The following TTPA variants were observed in gnomAD, a reference collection of about 807,000 sequenced individuals.
The protein encoded by TTPA is alpha tocopherol transfer protein, also known as alpha-tocopherol transfer protein.
A neutral mutation model predicts 25.9 loss-of-function variants in TTPA; 23 were observed. The observed-to-expected ratio is 0.89, with a 90% CI of 0.64 to 1.26. TTPA has a LOEUF of 1.26. TTPA is among the 50% of genes most tolerant of loss of function. The probability of loss-of-function intolerance (pLI) is 0.00; values close to 1 mark genes in which losing one functional copy is unlikely to be tolerated. For missense variants in TTPA, 337 were observed against 353.1 expected (o/e 0.95, Z 0.37); for synonymous variants, 148 against 137.3 (o/e 1.08, Z -0.54).
chr8:63,080,447 C>A (rs1313879923), intron 1 of TTPA, among the ~76,000 whole-genome samples: 3 of 152,030 alleles, frequency 2.0e-5, no homozygotes, highest in Admixed American at 1.3e-4. Context: ...GAAGGCCGGG[C>A]ATGGTGGCTC....
chr8:63,073,017 A>G lies in TTPA; in HGVS notation c.276T>C (p.Ile92=), dbSNP rs2129762812. 1 of 1,613,818 alleles carries G rather than the reference A, an allele frequency of 6.2e-7. No homozygotes were observed. The highest frequency in any genetic ancestry group is 1.7e-4 in the Middle Eastern group (1 of 6,056). Reference sequence around the variant, plus strand: ...GGTAGCCAGCCTTTAGGAGGCCAATAATACTTCTAGGGTGTAGATCTGCAC... The same window carrying G: ...GGTAGCCAGCCTTTAGGAGGCCAATGATACTTCTAGGGTGTAGATCTGCAC... ...EISADLHPRS[I]IGLLKAGYHG... is the part of the protein sequence containing the mutation. The change falls in exon 2 of 5, where the codon ATT becomes ATC. Residue 92 remains isoleucine, a synonymous_variant. Transcript: ENST00000260116.
At position 63,065,955 on chromosome 8, in the gene TTPA, A is replaced by G; in HGVS notation, c.501T>C (p.His167=). The change falls in exon 3 of 5, where the codon CAT becomes CAC. Residue 167 remains histidine (H), a synonymous_variant. Transcript: ENST00000260116. ...CTACGGATGGAGTGATTTGAAAAGCATGAGAAAACTGCCAACCTTCCAGAT... is the reference window on the plus strand; with the variant it reads ...CTACGGATGGAGTGATTTGAAAAGCGTGAGAAAACTGCCAACCTTCCAGAT... The part of the protein sequence containing the change: ...IFDLEGWQFS[H]AFQITPSVAK... 15 of 1,614,152 alleles carry G rather than the reference A, an allele frequency of 9.3e-6. No homozygotes were observed. The highest frequency in any genetic ancestry group is 1.2e-5 in the Non-Finnish European group (14 of 1,180,016).
intron 1 of TTPA, among the ~76,000 whole-genome samples, chr8:63,076,600 A>C (rs1805565671): frequency 6.6e-6 from 1 of 152,198 alleles, no homozygotes; most frequent in African/African-American, 2.4e-5. Context: ...TATTTAAGGA[A>C]TACAGAAAAA....
At position 63,083,477 on chromosome 8, in the gene TTPA, G is replaced by C. The variant is rs939591701; in HGVS notation, c.204+2341C>G. 2.6e-5 allele frequency among the ~76,000 whole-genome samples: 4 copies of C among 152,072 alleles called. No homozygotes were observed. In the East Asian group the frequency reaches 7.7e-4, roughly 29 times the overall value. On this transcript the variant is annotated intron_variant, in intron 1 of 4. Coordinates refer to ENST00000260116, the MANE Select transcript of TTPA (RefSeq NM_000370.3). ...CACAGTGGGGAACATCGCACACTGG[G>C]GCCTGTTGGAGGGTGGTGAGCTGGG...
At position 63,061,131 on chromosome 8, in the gene TTPA, A is replaced by C; in HGVS notation, c.*121T>G. ...GTTGCTCATGTCAGAAGATTTCTAC[A>C]TTTTTAAAGTTCAGGCAAGCATTAG... On this transcript the variant is annotated 3_prime_UTR_variant, in exon 5 of 5. Coordinates refer to ENST00000260116, the MANE Select transcript of TTPA (RefSeq NM_000370.3). The C allele has an allele frequency of 1.9e-6, 2 of 1,068,002 alleles. No homozygotes were observed. The highest frequency in any genetic ancestry group is 1.4e-6 in the Non-Finnish European group (1 of 721,610). 66.2% of individuals were successfully genotyped at this position (1,068,002 alleles called of 1,614,324 possible). A position where few individuals can be genotyped will look rare whatever the true frequency, so the allele number is the denominator to read the frequency against.
chr8:63,082,016 T>G (rs1805671550), intron 1 of TTPA, among the ~76,000 whole-genome samples: 1 of 152,120 alleles, frequency 6.6e-6, no homozygotes, highest in Admixed American at 6.6e-5. Context: ...GGAAGAACAT[T>G]CCATGCTCAT....
Position 63,060,308 on chromosome 8 carries a change from A to C in TTPA, c.*944T>G, listed in dbSNP as rs565787405. On this transcript the variant is annotated 3_prime_UTR_variant, in exon 5 of 5. Coordinates refer to ENST00000260116, the MANE Select transcript of TTPA (RefSeq NM_000370.3). ...GCAAAGCAGATATTGAGAAGCCATC[A>C]ACTGTGCCTGACGTATTTTCTAAAT... 6.6e-6 allele frequency: 1 copy of C among 152,232 alleles called. No homozygotes were observed. Among genetic ancestry groups the C allele is most frequent in the Non-Finnish European group, 1.5e-5 (1 of 68,040 alleles). 9.4% of individuals were successfully genotyped at this position (152,232 alleles called of 1,614,324 possible). A position where few individuals can be genotyped will look rare whatever the true frequency, so the allele number is the denominator to read the frequency against.
rs1554524233 is a variant in TTPA, at chr8:63,075,717, A to AAAAAG, written c.205-2634_205-2630dup. On this transcript the variant is annotated intron_variant, in intron 1 of 4. Transcript: ENST00000260116. ...CCGTCTCAAAAAAAAAAAAAAAAAA[A>AAAAAG]AAAAGTAAAGTAAAGCTATGAGAAA... is the stretch of plus-strand genomic sequence containing the variant. Among the ~76,000 whole-genome samples, 101 of 147,116 alleles carry AAAAAG rather than the reference A, an allele frequency of 6.9e-4. 1 individual carries two copies. Among genetic ancestry groups the AAAAAG allele is most frequent in the Middle Eastern group, 3.7e-3 (1 of 272 alleles).
intron 1 of TTPA, among the ~76,000 whole-genome samples, chr8:63,082,841 C>T (rs1410405312): frequency 6.6e-6 from 1 of 152,196 alleles, no homozygotes; most frequent in Non-Finnish European, 1.5e-5. Context: ...TGAACAGACA[C>T]TTCTCAAAAG....
intron 1 of TTPA, among the ~76,000 whole-genome samples, chr8:63,076,324 T>C (rs895591364): frequency 1.3e-5 from 2 of 149,560 alleles, no homozygotes; most frequent in Non-Finnish European, 2.9e-5. Flanking sequence ...AGAAATTTCA[T>C]TGTGACTGAG....
intron 1 of TTPA, among the ~76,000 whole-genome samples, chr8:63,079,642 CA>C (rs1805629307): frequency 1.3e-5 from 2 of 152,034 alleles, no homozygotes. Context: ...TAAATACACC[CA>C]ATACAGGAGC....
At chr8:63,073,212 G>C (rs985338429) in intron 1 of TTPA, 124 bp from the exon 2 acceptor site, 9 of 787,340 alleles carry the variant, frequency 1.1e-5, no homozygotes, top group Non-Finnish European at 1.7e-5. Flanking sequence ...TTTAATCTAG[G>C]GTATCTTTTC....
chr8:63,082,781 TAAAC>T (rs1563366104), intron 1 of TTPA, among the ~76,000 whole-genome samples: 1 of 152,120 alleles, frequency 6.6e-6, no homozygotes, highest in Non-Finnish European at 1.5e-5. Flanking sequence ...GCAAGGAACT[TAAAC>T]AAATTTACAA....
chr8:63,074,311 G>T (rs1403192395), intron 1 of TTPA, among the ~76,000 whole-genome samples: 2 of 152,134 alleles, frequency 1.3e-5, no homozygotes, highest in Non-Finnish European at 2.9e-5. Context: ...AACCAGCACT[G>T]GTACACGAGA....
chr8:63,066,831 A>G (rs1258219650), intron 2 of TTPA, among the ~76,000 whole-genome samples: 1 of 152,196 alleles, frequency 6.6e-6, no homozygotes, highest in Admixed American at 6.5e-5. Flanking sequence ...ACACATCCAT[A>G]CACACACAAA....
At chr8:63,083,347 C>T (rs541970280) in intron 1 of TTPA, among the ~76,000 whole-genome samples, 5 of 152,186 alleles carry the variant, frequency 3.3e-5, no homozygotes, top group South Asian at 4.1e-4. Flanking sequence ...GGGACGTGGA[C>T]GAAGCTGGAA....
In TTPA at chr8:63,086,022, G is replaced by T; in HGVS notation, c.-1C>A. The T allele has an allele frequency of 7.0e-7, 1 of 1,422,814 alleles. No homozygotes were observed. The highest frequency in any genetic ancestry group is 9.2e-7 in the Non-Finnish European group (1 of 1,090,092). 88.1% of individuals were successfully genotyped at this position (1,422,814 alleles called of 1,614,324 possible). ...AGGGCTGGGATCGCGCCTCTGCCAT[G>T]CCCGCCGCCGCTGCTGCGGCCGCAG... On this transcript the variant is annotated 5_prime_UTR_variant, in exon 1 of 5. Transcript: ENST00000260116.
In TTPA at chr8:63,064,806, A is replaced by G. The variant is rs1461219048; in HGVS notation, c.553-490T>C. On this transcript the variant is annotated intron_variant, in intron 3 of 4. Transcript: ENST00000260116. The stretch of plus-strand genomic sequence containing the variant: ...GTTTAAGAAGTTAAGAGTTGAAGGA[A>G]AAAGATGGTTTTCCTACCTACAAGT... 2.6e-5 allele frequency among the ~76,000 whole-genome samples: 4 copies of G among 152,304 alleles called. No homozygotes were observed. The East Asian group carries it at 7.7e-4, about 29-fold the overall frequency.
rs1805268293 is a variant in TTPA, at chr8:63,059,547, T to C, written c.*1705A>G. Reference sequence around the variant, plus strand: ...TACATAAAGATACTATTAATGTATATGATTAATGTTGAAACCTAACTAGCT... The same window carrying C: ...TACATAAAGATACTATTAATGTATACGATTAATGTTGAAACCTAACTAGCT... On this transcript the variant is annotated 3_prime_UTR_variant, in exon 5 of 5. Coordinates refer to ENST00000260116, the MANE Select transcript of TTPA (RefSeq NM_000370.3). Among the ~76,000 whole-genome samples, 1 of 152,104 alleles carries C rather than the reference T, an allele frequency of 6.6e-6. No homozygotes were observed. Among genetic ancestry groups the C allele is most frequent in the South Asian group, 2.1e-4 (1 of 4,832 alleles).
Sources: gnomAD v4.1 joint callset for allele counts (sites outside exome capture counted in the v4.1 genomes callset) on GRCh38, gnomAD v4.1.1 for gene constraint, MANE v1.5 for transcripts, NCBI Gene and HGNC (gene_info 2026-07-23, HGNC 2026-07-21) for gene names.